The following PRKN variants were observed in gnomAD, a reference collection of about 807,000 sequenced individuals.
The protein encoded by PRKN is E3 ubiquitin-protein ligase parkin.
A neutral mutation model predicts 59.5 loss-of-function variants in PRKN; 56 were observed. The observed-to-expected ratio is 0.94, with a 90% CI of 0.76 to 1.18. PRKN has a LOEUF of 1.18. Ranked by LOEUF, PRKN falls within the 50% of genes most tolerant of loss-of-function variation. PRKN has a pLI of 0.00. For missense variants in PRKN, 657 were observed against 596.4 expected, an observed-to-expected ratio of 1.10 and a Z score of -1.06; for synonymous variants, 250 against 222.1, an observed-to-expected ratio of 1.13 and a Z score of -1.12.
intron 1 of PRKN, among the ~76,000 whole-genome samples, chr6:162,635,098 T>C (rs1487431306): frequency 6.6e-6 from 1 of 152,176 alleles, no homozygotes; most frequent in Non-Finnish European, 1.5e-5. Flanking sequence ...TTACTTGACT[T>C]GATTTCTTCC....
rs1247352059 is a variant in PRKN at position 161,480,200 on chromosome 6, T to C, written c.1083+68654A>G. 6.6e-6 allele frequency among the ~76,000 whole-genome samples: 1 copy of C among 152,204 alleles called. No homozygotes were observed. The highest frequency in any genetic ancestry group is 1.5e-5 in the Non-Finnish European group (1 of 68,042). On this transcript the variant is annotated intron_variant, in intron 9 of 11. Transcript: ENST00000366898. This position sits in a 1 kb window ranked among gnomAD's most constrained non-coding sequence, Gnocchi z 4.1. ...TTCCTATCTGATCATGACTATATAA[T>C]TTGTGAAGCCCAGTGCAAAACAAAG... is the stretch of plus-strand genomic sequence containing the variant.
chr6:162,205,270 T>C (rs1245789904), intron 3 of PRKN, among the ~76,000 whole-genome samples: 1 of 152,220 alleles, frequency 6.6e-6, no homozygotes, highest in African/African-American at 2.4e-5. Context: ...GAAATAACAA[T>C]GTTTACAACA....
chr6:162,130,935 T>C (rs1295646249), intron 4 of PRKN, among the ~76,000 whole-genome samples: 6 of 152,298 alleles, frequency 3.9e-5, no homozygotes, highest in Admixed American at 3.9e-4. Context: ...AGGACAACAA[T>C]GCTGAAATGT....
At chr6:161,452,059 G>A (rs1035592569) in intron 9 of PRKN, among the ~76,000 whole-genome samples, 1 of 151,598 alleles carries the variant, frequency 6.6e-6, no homozygotes, top group Non-Finnish European at 1.5e-5. Context: ...GGGTTCAAGC[G>A]ATTCTCCTTC....
At chr6:161,728,174 G>A (rs1787526070) in intron 7 of PRKN, among the ~76,000 whole-genome samples, 1 of 151,600 alleles carries the variant, frequency 6.6e-6, no homozygotes, top group Non-Finnish European at 1.5e-5. Context: ...ATGTCTATCT[G>A]TTTAAAGTTC....
chr6:161,977,547 T>TG (rs1440616300), intron 5 of PRKN, among the ~76,000 whole-genome samples: 5 of 146,340 alleles, frequency 3.4e-5, no homozygotes, highest in African/African-American at 1.0e-4. Flanking sequence ...TTTTGGTTTT[T>TG]TTTTTTTTTT....
intron 2 of PRKN, among the ~76,000 whole-genome samples, chr6:162,297,116 A>G (rs573096622): frequency 7.2e-5 from 11 of 151,946 alleles, no homozygotes; most frequent in Non-Finnish European, 1.3e-4. Context: ...TTAATCCTAC[A>G]TGTCAGTACA....
chr6:161,407,809 C>A lies in PRKN; in HGVS notation c.1084-20932G>T, dbSNP rs1787346256. Among the ~76,000 whole-genome samples, 1 of 152,174 alleles carries A rather than the reference C, an allele frequency of 6.6e-6. No individual in the cohort carries two copies. Among genetic ancestry groups the A allele is most frequent in the Non-Finnish European group, 1.5e-5 (1 of 68,026 alleles). On this transcript the variant is annotated intron_variant, in intron 9 of 11. Coordinates refer to ENST00000366898, the MANE Select transcript of PRKN (RefSeq NM_004562.3). This position sits in a 1 kb window ranked among gnomAD's most constrained non-coding sequence, Gnocchi z 4.9. ...ATGACTTGTTCTGGCCCTGCCCCAA[C>A]TGATCAGTTGACCTTGTGACATTCT...
chr6:162,465,909 T>C (rs146732098), intron 1 of PRKN, among the ~76,000 whole-genome samples: 1 of 152,330 alleles, frequency 6.6e-6, no homozygotes, highest in Non-Finnish European at 1.5e-5. Context: ...CTATCTGCAA[T>C]CCTTGAATAT....
chr6:162,207,707 G>A (rs368985153), intron 3 of PRKN, among the ~76,000 whole-genome samples: 132 of 152,138 alleles, frequency 8.7e-4, no homozygotes, highest in African/African-American at 3.0e-3. Flanking sequence ...CCCTCAATGC[G>A]CTCACCTTGA....
intron 7 of PRKN, among the ~76,000 whole-genome samples, chr6:161,778,987 C>T (rs1298571061): frequency 1.3e-5 from 2 of 152,120 alleles, no homozygotes; most frequent in African/African-American, 4.8e-5. Flanking sequence ...CTCTGTCGCC[C>T]AGGCTGGAGT....
At chr6:161,832,985 A>G (rs1178992878) in intron 6 of PRKN, among the ~76,000 whole-genome samples, 12 of 152,086 alleles carry the variant, frequency 7.9e-5, no homozygotes, top group Non-Finnish European at 1.6e-4. Flanking sequence ...GAGCAGTCCT[A>G]GAGGTATTAC....
intron 4 of PRKN, among the ~76,000 whole-genome samples, chr6:162,092,923 C>A (rs1453143023): frequency 8.5e-5 from 13 of 152,174 alleles, no homozygotes; most frequent in African/African-American, 2.9e-4. Flanking sequence ...GTGCACACTG[C>A]AGAAACGTCC....
chr6:162,380,877 A>T (rs905451666), intron 2 of PRKN, among the ~76,000 whole-genome samples: 5 of 152,112 alleles, frequency 3.3e-5, no homozygotes, highest in East Asian at 1.9e-4. Context: ...CACTGGACCT[A>T]TGGGCAGTCT....
intron 4 of PRKN, among the ~76,000 whole-genome samples, chr6:162,145,665 T>C (rs1583100455): frequency 6.6e-6 from 1 of 152,238 alleles, no homozygotes; most frequent in African/African-American, 2.4e-5. Context: ...CAGAATCTTT[T>C]TGGGTCCAAA....
At position 161,414,249 on chromosome 6, in the gene PRKN, C is replaced by T. The variant is rs1343939250; in HGVS notation, c.1084-27372G>A. ...GCATTTTCTCCCCAGATGTCAGAGC[C>T]GTGCACCCTTCTCCGGAAGGCTGGA... On this transcript the variant is annotated intron_variant, in intron 9 of 11. Coordinates refer to ENST00000366898, the MANE Select transcript of PRKN (RefSeq NM_004562.3). This position sits in a 1 kb window ranked among gnomAD's most constrained non-coding sequence, Gnocchi z 5.3. 2.0e-5 allele frequency among the ~76,000 whole-genome samples: 3 copies of T among 152,170 alleles called. No homozygotes were observed. The highest frequency in any genetic ancestry group is 1.9e-4 in the East Asian group (1 of 5,186).
chr6:161,971,600 A>G (rs907284181), intron 6 of PRKN, among the ~76,000 whole-genome samples: 3 of 152,228 alleles, frequency 2.0e-5, no homozygotes. Flanking sequence ...CTGAAGCGCT[A>G]TATTTTAAAG....
chr6:162,201,070 G>A, intron 4 of PRKN, 61 bp downstream of exon 4: 1 of 1,520,824 alleles, frequency 6.6e-7, no homozygotes, highest in Non-Finnish European at 9.1e-7. Context: ...AAACTGAAAG[G>A]CAATGTGTTA....
intron 9 of PRKN, among the ~76,000 whole-genome samples, chr6:161,478,091 G>T (rs1475089300): frequency 6.6e-6 from 1 of 152,198 alleles, no homozygotes; most frequent in East Asian, 1.9e-4. Context: ...GATTAAGGAT[G>T]TCTCTTTCAA....
Sources: gnomAD v4.1 joint callset for allele counts (sites outside exome capture counted in the v4.1 genomes callset) on GRCh38, gnomAD v4.1.1 for gene constraint, Gnocchi (gnomAD v3.1) non-coding constraint, MANE v1.5 for transcripts, NCBI Gene and HGNC (gene_info 2026-07-23, HGNC 2026-07-21) for gene names.